The following SORBS3 variants were observed in gnomAD, a reference collection of about 807,000 sequenced individuals.
SORBS3 encodes the protein sorbin and SH3 domain containing 3.
In SORBS3, 69 loss-of-function variants were observed where a neutral mutation model predicts 98.0. That is an observed-to-expected ratio of 0.70 (90% CI 0.58 to 0.86). The LOEUF is 0.86. Among genes scored for constraint, SORBS3 ranks in the 40% least tolerant of loss-of-function variants. The probability of loss-of-function intolerance (pLI) is 0.00; values close to 1 mark genes in which losing one functional copy is unlikely to be tolerated. For missense variants in SORBS3, 954 were observed against 908.5 expected (o/e 1.05, Z -0.64); for synonymous variants, 394 against 355.4 (o/e 1.11, Z -1.22).
In SORBS3 at chr8:22,561,340, C is replaced by A; in HGVS notation, c.484C>A (p.Gln162Lys). The change falls in exon 6 of 21, where the codon CAG becomes AAG. Residue 162 changes from glutamine (Q) to lysine (K), a missense_variant. Transcript: ENST00000240123. Reference protein sequence around the residue: ...QQIHRKMPDLQLDWTFEEPPR... With the variant: ...QQIHRKMPDLKLDWTFEEPPR... ...GGTCCCTTCTGCTCCTGCAGACTTG[C>A]AGCTGGACTGGACCTTCGAGGAGCC... 6.2e-7 allele frequency: 1 copy of A among 1,602,790 alleles called. No homozygotes were observed.
chr8:22,569,345 A>AT, intron 17 of SORBS3, 72 bp downstream of exon 17: 2 of 1,082,760 alleles, frequency 1.8e-6, no homozygotes, highest in Non-Finnish European at 2.5e-6. Flanking sequence ...CACTAAAAAC[A>AT]GTTTTTTTTT....
At position 22,572,406 on chromosome 8, in the gene SORBS3, G is replaced by C; in HGVS notation, c.1914G>C (p.Arg638Ser). 6.2e-7 allele frequency: 1 copy of C among 1,614,046 alleles called. No homozygotes were observed. The highest frequency in any genetic ancestry group is 8.5e-7 in the Non-Finnish European group (1 of 1,179,974). Reference protein sequence around the residue: ...EDELELREGDRVDVMQQCDDG... With the variant: ...EDELELREGDSVDVMQQCDDG... Reference sequence around the variant, plus strand: ...AGCTGGAGCTGCGCGAGGGGGACAGGGTGGATGTCATGCAGCAGTGTGACG... The same window carrying C: ...AGCTGGAGCTGCGCGAGGGGGACAGCGTGGATGTCATGCAGCAGTGTGACG... Residue 638 changes from arginine to serine, a missense_variant, in exon 20 of 21, where the codon AGG (arginine) becomes AGC (serine). Physicochemically the swap from Arg to Ser is moderately radical, Grantham distance 110. Coordinates refer to ENST00000240123, the MANE Select transcript of SORBS3 (RefSeq NM_005775.5).
chr8:22,566,746 G>T, intron 14 of SORBS3, 33 bp downstream of exon 14: 1 of 1,612,568 alleles, frequency 6.2e-7, no homozygotes, highest in Non-Finnish European at 8.5e-7. Context: ...GGGACCTGGA[G>T]TGGTCCCAAG....
chr8:22,564,868 G>C, intron 10 of SORBS3: 1 of 1,263,350 alleles, frequency 7.9e-7, no homozygotes, highest in Non-Finnish European at 1.0e-6. Context: ...AGGAAGCAGC[G>C]TGGGGGTGGG....
In SORBS3 at chr8:22,572,335, C is replaced by T. The variant is rs371766574; in HGVS notation, c.1848-5C>T. On this transcript the variant is annotated splice_region_variant and splice_polypyrimidine_tract_variant and intron_variant, in intron 19 of 20. Coordinates refer to ENST00000240123, the MANE Select transcript of SORBS3 (RefSeq NM_005775.5). ...TCTCTGGTTGCCATGATACGCTTCT[C>T]GCAGGTACCGGGCGATGTACCAGTA... The T allele has an allele frequency of 1.9e-5, 31 of 1,612,550 alleles. No individual in the cohort carries two copies. Among genetic ancestry groups the T allele is most frequent in the African/African-American group, 2.7e-5 (2 of 74,904 alleles).
upstream of SORBS3, among the ~76,000 whole-genome samples, chr8:22,548,671 C>T (rs995245974): frequency 1.3e-5 from 2 of 152,136 alleles, no homozygotes; most frequent in East Asian, 1.9e-4. Context: ...CCTAGCTGCC[C>T]AGGGTAGATC....
In SORBS3 at chr8:22,556,842, G is replaced by C. The variant is rs1331382908; in HGVS notation, c.348G>C (p.Lys116Asn). The C allele has an allele frequency of 6.2e-7, 1 of 1,613,638 alleles. No individual in the cohort carries two copies. Among genetic ancestry groups the C allele is most frequent in the Non-Finnish European group, 8.5e-7 (1 of 1,180,040 alleles). The change falls in exon 4 of 21, where the codon AAG becomes AAC. Residue 116 changes from lysine to asparagine, a missense_variant. Transcript: ENST00000240123. Reference protein sequence around the residue: ...TWTKDSKRRDKRWVKYEGIGP... With the variant: ...TWTKDSKRRDNRWVKYEGIGP... ...CCAAGGACAGCAAGCGTCGGGACAAGCGCTGGGTCAAGTACGAGGGAATCG... is the reference window on the plus strand; with the variant it reads ...CCAAGGACAGCAAGCGTCGGGACAACCGCTGGGTCAAGTACGAGGGAATCG...
chr8:22,561,559 A>G (rs1469139779), intron 6 of SORBS3, 186 bp downstream of exon 6: 2 of 662,462 alleles, frequency 3.0e-6, no homozygotes, highest in Non-Finnish European at 5.3e-6. Flanking sequence ...TAACAGCCTC[A>G]GCTTGCACGG....
chr8:22,554,184 T>A lies in SORBS3; in HGVS notation c.-55-268T>A. 5.6e-6 allele frequency: 1 copy of A among 179,296 alleles called. No individual in the cohort carries two copies. 11.1% of individuals were successfully genotyped at this position (179,296 alleles called of 1,614,324 possible). On this transcript the variant is annotated intron_variant, in intron 1 of 20. Transcript: ENST00000240123. This position sits in a 1 kb window ranked among gnomAD's most constrained non-coding sequence, Gnocchi z 6.5. ...TCCTGGCCAGCCCCTCCCCTCCTCC[T>A]CACCCAAGCTCCCCCTCCCCCACTC...
intron 7 of SORBS3, among the ~76,000 whole-genome samples, chr8:22,563,359 G>C (rs1840335709): frequency 6.6e-6 from 1 of 152,220 alleles, no homozygotes; most frequent in Admixed American, 6.5e-5. Context: ...GGGGAGCTAA[G>C]GCAGATGTGT....
chr8:22,573,669 G>C (rs1429191203), intron 20 of SORBS3, among the ~76,000 whole-genome samples: 1 of 151,872 alleles, frequency 6.6e-6, no homozygotes, highest in Non-Finnish European at 1.5e-5. Flanking sequence ...GGCAGAGGAC[G>C]AGGGTGGGGG....
chr8:22,566,480 C>T lies in SORBS3; in HGVS notation c.1086C>T (p.Thr362=). Residue 362 remains threonine, a synonymous_variant, in exon 13 of 21, where the codon ACC becomes ACT. Transcript: ENST00000240123. ...GRRDFVYPSS[T]RDPSASNGGG... ...GGGACTTTGTCTACCCTTCCTCAACCCGAGGTAAGGACCCAGCCCTGCTCT... is the reference window on the plus strand; with the variant it reads ...GGGACTTTGTCTACCCTTCCTCAACTCGAGGTAAGGACCCAGCCCTGCTCT... The T allele has an allele frequency of 6.2e-7, 1 of 1,613,560 alleles. No individual in the cohort carries two copies. The highest frequency in any genetic ancestry group is 1.7e-5 in the Admixed American group (1 of 59,976).
At chr8:22,564,406 C>G (rs751305296) in intron 9 of SORBS3, 37 bp downstream of exon 9, 2 of 1,613,532 alleles carry the variant, frequency 1.2e-6, no homozygotes, top group Non-Finnish European at 1.7e-6. Flanking sequence ...TGCACGCACC[C>G]TCAGCTGATA....
intron 17 of SORBS3, among the ~76,000 whole-genome samples, chr8:22,570,018 T>C (rs1357662685): frequency 6.6e-6 from 1 of 152,162 alleles, no homozygotes; most frequent in Non-Finnish European, 1.5e-5. Context: ...TGTATGCACA[T>C]ATATATGTAT....
intron 12 of SORBS3, 34 bp from the exon 13 acceptor site, chr8:22,566,311 C>T: frequency 6.2e-7 from 1 of 1,603,666 alleles, no homozygotes; most frequent in Non-Finnish European, 8.5e-7. Flanking sequence ...TGCGGAGCCC[C>T]AGGCTGGAGG....
chr8:22,556,660 G>C, intron 3 of SORBS3, 55 bp from the exon 4 acceptor site: 1 of 1,515,982 alleles, frequency 6.6e-7, no homozygotes, highest in Non-Finnish European at 9.1e-7. Context: ...GGGACACACA[G>C]GTTCAGGTGG....
At chr8:22,569,049 G>T in intron 16 of SORBS3, 99 bp from the exon 17 acceptor site, 3 of 1,302,446 alleles carry the variant, frequency 2.3e-6, no homozygotes, top group East Asian at 5.5e-5. Flanking sequence ...TCTCTGCCTA[G>T]GGGCGGGCCC....
At chr8:22,574,163 G>A (rs1020298101) in intron 20 of SORBS3, among the ~76,000 whole-genome samples, 33 of 150,750 alleles carry the variant, frequency 2.2e-4, no homozygotes, top group Non-Finnish European at 2.8e-4. Flanking sequence ...TGCTTTGCCC[G>A]CTGGGGTTCC....
chr8:22,554,649 G>A lies in SORBS3; in HGVS notation c.102+41G>A, dbSNP rs966181093. On this transcript the variant is annotated intron_variant, in intron 2 of 20. Transcript: ENST00000240123. The surrounding 1 kb of genome is among the most constrained non-coding windows in gnomAD (Gnocchi z 6.5). Reference sequence around the variant, plus strand: ...GGGAGGAGGGTGTCCTGCGGGCCCGGAGTTGGTTGGGACGCTAGCAGGTCA... The same window carrying A: ...GGGAGGAGGGTGTCCTGCGGGCCCGAAGTTGGTTGGGACGCTAGCAGGTCA... 6.4e-7 allele frequency: 1 copy of A among 1,573,456 alleles called. No homozygotes were observed. Among genetic ancestry groups the A allele is most frequent in the Non-Finnish European group, 8.6e-7 (1 of 1,163,162 alleles).
Sources: gnomAD v4.1 joint callset for allele counts (sites outside exome capture counted in the v4.1 genomes callset) on GRCh38, gnomAD v4.1.1 for gene constraint, Gnocchi (gnomAD v3.1) non-coding constraint, MANE v1.5 for transcripts, NCBI Gene and HGNC (gene_info 2026-07-23, HGNC 2026-07-21) for gene names.